The following HERC5 variants were observed in gnomAD, a reference collection of about 807,000 sequenced individuals.
The protein encoded by HERC5 is E3 ISG15--protein ligase HERC5.
A neutral mutation model predicts 119.6 loss-of-function variants in HERC5; 99 were observed. The observed-to-expected ratio is 0.83, with a 90% CI of 0.70 to 0.98. The LOEUF is 0.98. HERC5 is among the 50% of genes least tolerant of loss of function. HERC5 has a pLI of 0.00. For synonymous variants in HERC5, 478 were observed against 445.9 expected, an observed-to-expected ratio of 1.07 and a Z score of -0.91; for missense variants, 1,267 against 1,241.3, an observed-to-expected ratio of 1.02 and a Z score of -0.31.
chr4:88,459,392 A>G lies in HERC5; in HGVS notation c.311A>G (p.Gln104Arg), dbSNP rs1241246621. 12 of 1,597,810 alleles carry G rather than the reference A, an allele frequency of 7.5e-6. No individual in the cohort carries two copies. The highest frequency in any genetic ancestry group is 1.0e-5 in the Non-Finnish European group (12 of 1,173,042). The change falls in exon 2 of 23, where the codon CAA becomes CGA. Residue 104 changes from glutamine to arginine, a missense_variant. Gln to Arg is a conservative substitution (Grantham distance 43). Around this residue, in one of 3 missense-constraint regions of HERC5, gnomAD observed 777 missense variants for 758.0 expected, o/e 1.03. Transcript: ENST00000264350. ...AACATGAAGATACATTCCGTGGACC[A>G]AGGAGCAGAGCACATGCTGATTCTC... ...GKNMKIHSVD[Q>R]GAEHMLILSS...
At position 88,487,254 on chromosome 4, in the gene HERC5, G is replaced by A. The variant is rs1741498005; in HGVS notation, c.1962+75G>A. 7 of 800,604 alleles carry A rather than the reference G, an allele frequency of 8.7e-6. No homozygotes were observed. In the Admixed American group the frequency reaches 9.5e-5, roughly 11 times the overall value. The allele number at this position is 800,604 out of a possible 1,614,324, so 49.6% of individuals were successfully genotyped here. A position where few individuals can be genotyped will look rare whatever the true frequency, so the allele number is the denominator to read the frequency against. ...TTCTTAATCATGCAGTATTTTGGGG[G>A]TGATAAGAGAACCACCTACCAGTGA... On this transcript the variant is annotated intron_variant, in intron 15 of 22. Transcript: ENST00000264350.
In HERC5 at chr4:88,489,252, A is replaced by G; in HGVS notation, c.2049A>G (p.Leu683=). 1 of 1,614,012 alleles carries G rather than the reference A, an allele frequency of 6.2e-7. No individual in the cohort carries two copies. The highest frequency in any genetic ancestry group is 8.5e-7 in the Non-Finnish European group (1 of 1,179,876). ...SEFALRPTFD[L]TVRRNHLIED... is the part of the protein sequence containing the mutation. ...TCGCTTTGAGGCCCACGTTTGATCT[A>G]ACAGTCAGAAGGAATCACTTGATTG... Residue 683 remains leucine, a synonymous_variant, in exon 16 of 23, where the codon CTA becomes CTG. Coordinates refer to ENST00000264350, the MANE Select transcript of HERC5 (RefSeq NM_016323.4).
intron 6 of HERC5, among the ~76,000 whole-genome samples, chr4:88,464,347 C>T (rs894554168): frequency 1.3e-5 from 2 of 151,940 alleles, no homozygotes; most frequent in Non-Finnish European, 1.5e-5. Context: ...AATGTAATCA[C>T]CCTCTCTGAC....
At chr4:88,479,072 G>A (rs1384240669) in intron 12 of HERC5, among the ~76,000 whole-genome samples, 1 of 152,116 alleles carries the variant, frequency 6.6e-6, no homozygotes. Flanking sequence ...GATCACCTGA[G>A]GTCAGGAGTT....
chr4:88,474,428 A>G (rs941591688), intron 11 of HERC5, among the ~76,000 whole-genome samples: 4 of 152,184 alleles, frequency 2.6e-5, no homozygotes, highest in Admixed American at 1.3e-4. Context: ...TATCACAGTA[A>G]TTCTAAGGGT....
chr4:88,484,158 C>T (rs1741380248), intron 13 of HERC5, among the ~76,000 whole-genome samples: 1 of 152,094 alleles, frequency 6.6e-6, no homozygotes, highest in Non-Finnish European at 1.5e-5. Flanking sequence ...TTTCTAGATA[C>T]TCGAATTTGT....
rs1308390517 is a variant in HERC5 at position 88,479,376 on chromosome 4, G to A, written c.1606G>A (p.Glu536Lys). ...VLEEYWATLQ[E>K]STFSKLVQMF... ...AGAAGAGTATTGGGCAACTCTGCAA[G>A]AATCCACTTTCAGCAAACTGGTCCA... Residue 536 changes from glutamate to lysine, a missense_variant, in exon 13 of 23, where the codon GAA (glutamate) becomes AAA (lysine). Glu to Lys is a moderately conservative substitution (Grantham distance 56, BLOSUM62 1). Around this residue, in one of 3 missense-constraint regions of HERC5, gnomAD observed 777 missense variants for 758.0 expected, o/e 1.03. Coordinates refer to ENST00000264350, the MANE Select transcript of HERC5 (RefSeq NM_016323.4). 3 of 1,606,936 alleles carry A rather than the reference G, an allele frequency of 1.9e-6. No individual in the cohort carries two copies. Among genetic ancestry groups the A allele is most frequent in the Non-Finnish European group, 2.5e-6 (3 of 1,178,096 alleles).
In HERC5 at chr4:88,476,898, C is replaced by T. The variant is rs1424083928; in HGVS notation, c.1582+868C>T. Among the ~76,000 whole-genome samples the T allele has an allele frequency of 5.3e-5, 8 of 150,708 alleles. No homozygotes were observed. The East Asian group carries it at 5.9e-4, about 11-fold the overall frequency. On this transcript the variant is annotated intron_variant, in intron 12 of 22. Transcript: ENST00000264350. ...TCACGCCATTGCACTCCAGCCTGGG[C>T]GACAGAGTGAGACTCCGTCCCAAAA...
chr4:88,473,394 C>G (rs1740944786), intron 11 of HERC5: 1 of 152,050 alleles, frequency 6.6e-6, no homozygotes, highest in Non-Finnish European at 1.5e-5. Flanking sequence ...AATCTTTGAT[C>G]TCTCACCCTT....
At chr4:88,499,498 G>T (rs934133884) in intron 18 of HERC5, among the ~76,000 whole-genome samples, 5 of 152,204 alleles carry the variant, frequency 3.3e-5, no homozygotes, top group Non-Finnish European at 5.9e-5. Context: ...GACAAGAGGT[G>T]CAGAGAAGGT....
rs1173325337 is a variant in HERC5, at chr4:88,460,104, C to T, written c.399C>T (p.Ser133=). 5 of 1,559,408 alleles carry T rather than the reference C, an allele frequency of 3.2e-6. No homozygotes were observed. The highest frequency in any genetic ancestry group is 4.4e-6 in the Non-Finnish European group (5 of 1,133,116). The change falls in exon 3 of 23, where the codon AGC becomes AGT. Residue 133 remains serine, a synonymous_variant. Transcript: ENST00000264350. Reference sequence around the variant, plus strand: ...TATTTTCCTTCATCAGGTTTGAAAGCATTTTACAAGAAAAAAAAATAATTC... The same window carrying T: ...TATTTTCCTTCATCAGGTTTGAAAGTATTTTACAAGAAAAAAAAATAATTC... The part of the protein sequence containing the change: ...NYSMKHLRFE[S]ILQEKKIIQI...
intron 1 of HERC5, 37 bp from the exon 2 acceptor site, chr4:88,459,309 CA>C (rs1240122827): frequency 2.0e-6 from 3 of 1,505,036 alleles, no homozygotes; most frequent in Non-Finnish European, 8.9e-7. Context: ...GGGTAATAAT[CA>C]AAGTGACAAT....
At chr4:88,479,864 G>A (rs962408088) in intron 13 of HERC5, among the ~76,000 whole-genome samples, 3 of 152,002 alleles carry the variant, frequency 2.0e-5, no homozygotes, top group Non-Finnish European at 4.4e-5. Context: ...TCAGGAGATC[G>A]AGACAATCAT....
intron 19 of HERC5, among the ~76,000 whole-genome samples, chr4:88,500,352 A>G (rs1380978236): frequency 2.6e-5 from 4 of 152,198 alleles, no homozygotes; most frequent in African/African-American, 4.8e-5. Flanking sequence ...TCATTCTCCA[A>G]TAGGCTAGCT....
chr4:88,489,759 G>A (rs1478947294), intron 16 of HERC5, among the ~76,000 whole-genome samples: 2 of 152,044 alleles, frequency 1.3e-5, no homozygotes, highest in Admixed American at 6.6e-5. Context: ...CTGTAATCCC[G>A]GCGCTTTGGG....
intron 8 of HERC5, 109 bp from the exon 9 acceptor site, chr4:88,469,048 A>G (rs1300429536): frequency 4.6e-6 from 3 of 650,152 alleles, no homozygotes; most frequent in Admixed American, 2.8e-5. Flanking sequence ...CCAGGGCTGT[A>G]TTACACATAT....
rs747134685 is a variant in HERC5, at chr4:88,489,177, TA to T, written c.1977del (p.Ala660LeufsTer18). The part of the protein sequence containing the change: ...TLLKIESKKH[K>X]AYLRSAAIEE... ...TTCTGTTTTCCTAGAGTAAAAAACA[TA>T]AAGCTTATCTTAGGTCGGCAGCAAT... On this transcript the variant is annotated frameshift_variant, in exon 16 of 23. Transcript: ENST00000264350. LOFTEE classifies it high-confidence loss of function. The T allele has an allele frequency of 1.2e-6, 2 of 1,608,556 alleles. No individual in the cohort carries two copies. The highest frequency in any genetic ancestry group is 2.2e-5 in the South Asian group (2 of 89,650).
At chr4:88,469,528 C>T (rs117571651) in intron 9 of HERC5, among the ~76,000 whole-genome samples, 1 of 152,088 alleles carries the variant, frequency 6.6e-6, no homozygotes, top group African/African-American at 2.4e-5. Flanking sequence ...GTAGGGCAGG[C>T]CAGCAGGCTG....
intron 13 of HERC5, 23 bp downstream of exon 13, chr4:88,479,530 C>A (rs776913155): frequency 2.0e-6 from 3 of 1,523,852 alleles, no homozygotes; most frequent in Middle Eastern, 1.8e-4. Context: ...TTAGAAACCT[C>A]TGTGTTTTTA....
Sources: gnomAD v4.1 joint callset for allele counts (sites outside exome capture counted in the v4.1 genomes callset) on GRCh38, gnomAD v4.1.1 for gene constraint, gnomAD v4.1.1 regional missense constraint, MANE v1.5 for transcripts, NCBI Gene and HGNC (gene_info 2026-07-23, HGNC 2026-07-21) for gene names.